SRRM3: variants seen among roughly 807,000 people sequenced by gnomAD.
SRRM3 encodes serine/arginine repetitive matrix 3.
Under a neutral mutation model 66.2 loss-of-function variants are expected in SRRM3, and 27 were observed. That is an observed-to-expected ratio of 0.41 (90% confidence interval 0.30 to 0.56). The LOEUF is 0.56. SRRM3 is among the 20% of genes least tolerant of loss of function. The probability of loss-of-function intolerance (pLI) is 0.32; values close to 1 mark genes in which losing one functional copy is unlikely to be tolerated. For synonymous variants in SRRM3, 391 were observed against 414.9 expected, an observed-to-expected ratio of 0.94 and a Z score of 0.70; for missense variants, 918 against 991.9, an observed-to-expected ratio of 0.93 and a Z score of 1.00.
At chr7:76,276,663 T>C (rs537506315) in intron 11 of SRRM3, among the ~76,000 whole-genome samples, 5 of 152,136 alleles carry the variant, frequency 3.3e-5, no homozygotes, top group South Asian at 4.2e-4. Flanking sequence ...TGAAATCCCA[T>C]AGTGCTTGGC....
At chr7:76,203,343 C>T (rs1800207575) in intron 1 of SRRM3, among the ~76,000 whole-genome samples, 1 of 152,192 alleles carries the variant, frequency 6.6e-6, no homozygotes, top group African/African-American at 2.4e-5. Context: ...GGGATCAAAT[C>T]TAGGTTATGT....
chr7:76,230,832 C>A (rs1383139819), intron 1 of SRRM3, among the ~76,000 whole-genome samples: 5 of 151,564 alleles, frequency 3.3e-5, no homozygotes, highest in Middle Eastern at 3.4e-3. Flanking sequence ...CTCACTGCAA[C>A]CTCTGCCTCC....
chr7:76,266,551 ATT>A (rs1419759379), intron 10 of SRRM3, among the ~76,000 whole-genome samples: 13 of 115,098 alleles, frequency 1.1e-4, no homozygotes, highest in African/African-American at 1.4e-4. Flanking sequence ...ATATTTATAT[ATT>A]AAATATATAA....
intron 1 of SRRM3, among the ~76,000 whole-genome samples, chr7:76,218,417 C>T (rs1454003129): frequency 1.3e-5 from 2 of 151,900 alleles, no homozygotes; most frequent in Non-Finnish European, 2.9e-5. Context: ...ATTCTCCCCA[C>T]CCTCCACCCC....
chr7:76,245,082 T>G (rs781788441), intron 2 of SRRM3, among the ~76,000 whole-genome samples: 3 of 152,232 alleles, frequency 2.0e-5, no homozygotes, highest in Non-Finnish European at 4.4e-5. Context: ...ACGCTAGCAT[T>G]GAACCTGCGA....
At chr7:76,216,253 C>T (rs1800568348) in intron 1 of SRRM3, among the ~76,000 whole-genome samples, 1 of 150,982 alleles carries the variant, frequency 6.6e-6, no homozygotes, top group African/African-American at 2.4e-5. Flanking sequence ...CATGCCTGCC[C>T]CCATGCTGGT....
At chr7:76,208,648 A>T (rs539398268) in intron 1 of SRRM3, among the ~76,000 whole-genome samples, 32 of 152,166 alleles carry the variant, frequency 2.1e-4, no homozygotes, top group African/African-American at 7.5e-4. Flanking sequence ...CAGCCTGGCC[A>T]TCATGGAGAA....
intron 3 of SRRM3, among the ~76,000 whole-genome samples, chr7:76,257,874 A>C (rs1478090834): frequency 6.6e-6 from 1 of 152,204 alleles, no homozygotes; most frequent in Non-Finnish European, 1.5e-5. Context: ...ACCTTCGAGA[A>C]GAGGCTCACA....
At chr7:76,265,241 G>A (rs1554609332) in intron 9 of SRRM3, 123 bp from the exon 10 acceptor site, 2 of 640,560 alleles carry the variant, frequency 3.1e-6, no homozygotes, top group Non-Finnish European at 5.3e-6. Context: ...TTAGGGGACT[G>A]ATGAACACTG....
chr7:76,245,063 G>T (rs1397094242), intron 2 of SRRM3, among the ~76,000 whole-genome samples: 2 of 152,212 alleles, frequency 1.3e-5, no homozygotes, highest in Non-Finnish European at 2.9e-5. Flanking sequence ...GGTTGCTATG[G>T]ACATGCAAAC....
intron 2 of SRRM3, among the ~76,000 whole-genome samples, chr7:76,246,141 T>G (rs540813208): frequency 6.6e-6 from 1 of 152,282 alleles, no homozygotes; most frequent in Non-Finnish European, 1.5e-5. Context: ...TCATTACCAT[T>G]TATTGGGCAC....
Position 76,285,353 on chromosome 7 carries a change from C to T in SRRM3, c.1734-262C>T, listed in dbSNP as rs574313832. ...TGCTGGGATTACAGGCGTGAGCCAC[C>T]GCGCCCAGCCTCAACAAGTATTTAT... On this transcript the variant is annotated intron_variant, in intron 14 of 14. Coordinates refer to ENST00000611745, the MANE Select transcript of SRRM3 (RefSeq NM_001110199.3). The surrounding 1 kb of genome is among the most constrained non-coding windows in gnomAD (Gnocchi z 4.1). The T allele has an allele frequency of 5.1e-4, 249 of 490,188 alleles. 3 individuals carry two copies. The East Asian group carries it at 6.7e-3, about 13-fold the overall frequency. The allele number at this position is 490,188 out of a possible 1,614,324, so 30.4% of individuals were successfully genotyped here. A position where few individuals can be genotyped will look rare whatever the true frequency, so the allele number is the denominator to read the frequency against.
intron 1 of SRRM3, among the ~76,000 whole-genome samples, chr7:76,220,296 G>T (rs1800677143): frequency 6.6e-6 from 1 of 152,194 alleles, no homozygotes. Context: ...CCCCCAGGGA[G>T]TCCTTCCAGG....
chr7:76,282,229 C>A (rs1554612025), intron 12 of SRRM3, among the ~76,000 whole-genome samples: 1 of 144,844 alleles, frequency 6.9e-6, no homozygotes, highest in East Asian at 2.1e-4. Context: ...TGATCCCAGC[C>A]CCCCGACGGA....
In SRRM3 at chr7:76,276,474, T is replaced by C. The variant is rs1270655023; in HGVS notation, c.1009-4967T>C. Among the ~76,000 whole-genome samples, 18 of 151,968 alleles carry C rather than the reference T, an allele frequency of 1.2e-4. No homozygotes were observed. In the East Asian group the frequency reaches 3.5e-3, roughly 29 times the overall value. ...AAGGAAGGAACCAGGTTCTATGGGA[T>C]CATAGAGGAGCGGACGTGATGCAGC... On this transcript the variant is annotated intron_variant, in intron 11 of 14. Transcript: ENST00000611745.
intron 1 of SRRM3, 140 bp from the exon 2 acceptor site, chr7:76,234,888 G>A (rs1479770178): frequency 1.2e-5 from 7 of 600,280 alleles, no homozygotes; most frequent in South Asian, 2.1e-5. Context: ...CCAGCCGTCC[G>A]CTTCCCTCTG....
rs116355676 is a variant in SRRM3 at position 76,284,625 on chromosome 7, C to G, written c.1734-990C>G. 6.5e-3 allele frequency among the ~76,000 whole-genome samples: 986 copies of G among 152,300 alleles called. 13 individuals carry two copies. Among genetic ancestry groups the G allele is most frequent in the African/African-American group, 0.023 (939 of 41,562 alleles). The stretch of plus-strand genomic sequence containing the variant: ...TCACCAGGCTGGGGACGCCCCCAGA[C>G]AGGTCACACACCCTGCCCGTAGGCC... On this transcript the variant is annotated intron_variant, in intron 14 of 14. Transcript: ENST00000611745.
intron 11 of SRRM3, chr7:76,268,016 ACT>A (rs1802119188): frequency 1.4e-5 from 2 of 144,866 alleles, no homozygotes; most frequent in African/African-American, 5.1e-5. Flanking sequence ...CTCTGAGGAG[ACT>A]CTGCCCTTTT....
At chr7:76,249,419 G>A (rs561669721) in intron 3 of SRRM3, among the ~76,000 whole-genome samples, 1 of 151,596 alleles carries the variant, frequency 6.6e-6, no homozygotes, top group South Asian at 2.1e-4. Flanking sequence ...CTGAGGTCAC[G>A]CCTCTGCCGC....
Sources: allele counts gnomAD v4.1 joint callset (sites outside exome capture counted in the v4.1 genomes callset), GRCh38; gene constraint gnomAD v4.1.1; non-coding constraint Gnocchi (gnomAD v3.1); transcripts MANE v1.5; gene names NCBI Gene and HGNC (gene_info 2026-07-23, HGNC 2026-07-21).